Variants in SYT1 observed in about 807,000 individuals in gnomAD.
SYT1 encodes the protein synaptotagmin 1, also known as synaptotagmin-1.
A neutral mutation model predicts 44.8 loss-of-function variants in SYT1; 8 were observed. The ratio of observed to expected loss-of-function variants is 0.18; its 90% CI spans 0.10 to 0.32. The LOEUF (loss-of-function observed/expected upper bound fraction) is 0.32. Among genes scored for constraint, SYT1 ranks in the 10% least tolerant of loss-of-function variants. The pLI is 1.00. For missense variants in SYT1, 286 were observed against 509.3 expected (o/e 0.56, Z 4.22); for synonymous variants, 154 against 188.8 (o/e 0.82, Z 1.51).
At chr12:79,357,470 C>T (rs1883156738) in intron 9 of SYT1, among the ~76,000 whole-genome samples, 1 of 152,220 alleles carries the variant, frequency 6.6e-6, no homozygotes, top group Admixed American at 6.5e-5. Context: ...CACACCTAAG[C>T]TATGTGGTAT....
Position 79,398,961 on chromosome 12 carries a change from G to A in SYT1, c.929-45112G>A, listed in dbSNP as rs534035657. On this transcript the variant is annotated intron_variant, in intron 9 of 10. Coordinates refer to ENST00000261205, the MANE Select transcript of SYT1 (RefSeq NM_005639.3). ...TCCAAGTCACTGTCCAGCTCAACACGACCATACGAATAACCAGTACAGTAG... is the reference window on the plus strand; with the variant it reads ...TCCAAGTCACTGTCCAGCTCAACACAACCATACGAATAACCAGTACAGTAG... Among the ~76,000 whole-genome samples the A allele has an allele frequency of 5.4e-4, 82 of 152,124 alleles. 1 individual carries two copies. The highest frequency in any genetic ancestry group is 1.9e-3 in the African/African-American group (80 of 41,496).
chr12:79,397,633 A>ATCCCTG (rs1187597332), intron 9 of SYT1, among the ~76,000 whole-genome samples: 2 of 152,182 alleles, frequency 1.3e-5, no homozygotes, highest in Non-Finnish European at 2.9e-5. Flanking sequence ...TGGAGGCAGG[A>ATCCCTG]TCCCTGATGC....
At chr12:78,935,905 C>T (rs564024388) in intron 1 of SYT1, among the ~76,000 whole-genome samples, 1 of 152,074 alleles carries the variant, frequency 6.6e-6, no homozygotes, top group Non-Finnish European at 1.5e-5. Context: ...GCAGAGTAAG[C>T]ACAGCTTGAT....
chr12:79,044,994 G>T (rs1873903925), intron 2 of SYT1, among the ~76,000 whole-genome samples: 2 of 152,322 alleles, frequency 1.3e-5, no homozygotes, highest in Non-Finnish European at 2.9e-5. Context: ...ATCTGCAGCT[G>T]CGTGCTGGGA....
chr12:78,961,751 T>C (rs1879516835), intron 1 of SYT1, among the ~76,000 whole-genome samples: 1 of 152,142 alleles, frequency 6.6e-6, no homozygotes, highest in Non-Finnish European at 1.5e-5. Flanking sequence ...TTCCAGAAGA[T>C]ATAAGCTGTA....
At chr12:79,169,263 A>G (rs902618669) in intron 3 of SYT1, among the ~76,000 whole-genome samples, 1 of 152,052 alleles carries the variant, frequency 6.6e-6, no homozygotes, top group Non-Finnish European at 1.5e-5. Flanking sequence ...GCAGCAGTCA[A>G]CTATCCACAC....
chr12:79,339,381 A>G (rs541253326), intron 8 of SYT1, among the ~76,000 whole-genome samples: 1 of 152,348 alleles, frequency 6.6e-6, no homozygotes, highest in Non-Finnish European at 1.5e-5. Context: ...GTGAGATAGT[A>G]TCTCATTGTG....
intron 9 of SYT1, among the ~76,000 whole-genome samples, chr12:79,379,411 C>T (rs1884128443): frequency 1.3e-5 from 2 of 151,902 alleles, no homozygotes; most frequent in South Asian, 4.2e-4. Flanking sequence ...GTGTACCATT[C>T]CAAGGAGTCC....
chr12:79,425,666 A>G (rs1176543111), intron 9 of SYT1, among the ~76,000 whole-genome samples: 1 of 152,154 alleles, frequency 6.6e-6, no homozygotes, highest in Non-Finnish European at 1.5e-5. Flanking sequence ...TTCTCTTTCA[A>G]TATTTTTTAG....
chr12:79,037,096 A>G (rs2137698780), intron 2 of SYT1, among the ~76,000 whole-genome samples: 1 of 151,922 alleles, frequency 6.6e-6, no homozygotes, highest in Non-Finnish European at 1.5e-5. Context: ...AGACCAACCA[A>G]AGCCCCCCCA....
In SYT1 at chr12:79,076,361, A is replaced by G. The variant is rs1021583212; in HGVS notation, c.-18+28999A>G. On this transcript the variant is annotated intron_variant, in intron 3 of 10. Coordinates refer to ENST00000261205, the MANE Select transcript of SYT1 (RefSeq NM_005639.3). ...GCTTCTGTTGTTTCCTCAAATGCCA[A>G]GATACATTATTTTGTGGTAGCGTGT... Among the ~76,000 whole-genome samples, 5 of 152,190 alleles carry G rather than the reference A, an allele frequency of 3.3e-5. No homozygotes were observed. In the South Asian group the frequency reaches 1.0e-3, roughly 32 times the overall value.
chr12:79,001,183 A>G (rs1363977005), intron 2 of SYT1, among the ~76,000 whole-genome samples: 1 of 151,846 alleles, frequency 6.6e-6, no homozygotes, highest in African/African-American at 2.4e-5. Context: ...CAGTTTACCT[A>G]TTTTACATGC....
chr12:79,058,233 C>T (rs1423924872), intron 3 of SYT1, among the ~76,000 whole-genome samples: 4 of 152,074 alleles, frequency 2.6e-5, no homozygotes, highest in South Asian at 2.1e-4. Flanking sequence ...GGATATTTAT[C>T]GACAGTGGCC....
At chr12:79,295,919 T>C in intron 6 of SYT1, 150 bp from the exon 7 acceptor site, 1 of 917,730 alleles carries the variant, frequency 1.1e-6, no homozygotes, top group Non-Finnish European at 1.5e-6. Flanking sequence ...TTCATTTGCC[T>C]TCTGTGTTCA....
intron 1 of SYT1, chr12:78,964,126 T>C (rs552785598): frequency 7.9e-5 from 12 of 152,194 alleles, no homozygotes; most frequent in Non-Finnish European, 1.6e-4. Flanking sequence ...ATAATTTAGA[T>C]CTCAACACAA....
chr12:79,014,507 A>G (rs1407316498), intron 2 of SYT1, among the ~76,000 whole-genome samples: 1 of 152,076 alleles, frequency 6.6e-6, no homozygotes, highest in Non-Finnish European at 1.5e-5. Flanking sequence ...CAAAACCACA[A>G]TGAGATACCA....
rs188556330 is a variant in SYT1, at chr12:79,210,583, C to T, written c.-17-6920C>T. 4.2e-3 allele frequency among the ~76,000 whole-genome samples: 641 copies of T among 152,310 alleles called. 3 individuals carry two copies. The highest frequency in any genetic ancestry group is 0.026 in the South Asian group (125 of 4,818). On this transcript the variant is annotated intron_variant, in intron 3 of 10. Transcript: ENST00000261205. ...TTGCTGCAAGTGCCGTTTATTCATT[C>T]CTTTTCATGGCTGAGTAGTATTCCA...
At chr12:79,158,830 G>A (rs144303382) in intron 3 of SYT1, among the ~76,000 whole-genome samples, 163 of 152,102 alleles carry the variant, frequency 1.1e-3, no homozygotes, top group African/African-American at 3.7e-3. Flanking sequence ...CCAGGAAGTC[G>A]AGGCTGCAGT....
At chr12:79,039,115 G>C (rs966365217) in intron 2 of SYT1, among the ~76,000 whole-genome samples, 6 of 151,856 alleles carry the variant, frequency 4.0e-5, no homozygotes, top group African/African-American at 1.5e-4. Flanking sequence ...CTATGGTTAG[G>C]TCTACAGGGT....
Sources: gnomAD v4.1 joint callset for allele counts (sites outside exome capture counted in the v4.1 genomes callset) on GRCh38, gnomAD v4.1.1 for gene constraint, MANE v1.5 for transcripts, NCBI Gene and HGNC (gene_info 2026-07-23, HGNC 2026-07-21) for gene names.